Variants in SHC4 observed in about 807,000 individuals in gnomAD.
SHC4 encodes SHC adaptor protein 4, also known as SHC-transforming protein 4.
A neutral mutation model predicts 69.4 loss-of-function variants in SHC4; 41 were observed. The observed-to-expected ratio is 0.59, with a 90% CI of 0.46 to 0.77. The LOEUF (loss-of-function observed/expected upper bound fraction) is 0.77. Ranked by LOEUF, SHC4 falls within the 30% of genes least tolerant of loss-of-function variation. The pLI is 0.00. For synonymous variants in SHC4, 318 were observed against 299.3 expected (o/e 1.06, Z -0.64); for missense variants, 777 against 783.8 (o/e 0.99, Z 0.10).
intron 3 of SHC4, among the ~76,000 whole-genome samples, chr15:48,887,381 T>A (rs1279266728): frequency 6.6e-6 from 1 of 152,188 alleles, no homozygotes; most frequent in Non-Finnish European, 1.5e-5. Flanking sequence ...ACTTAACCTC[T>A]CAGGGCCCCA....
At chr15:48,904,934 AG>A (rs1425062320) in intron 2 of SHC4, among the ~76,000 whole-genome samples, 2 of 135,758 alleles carry the variant, frequency 1.5e-5, no homozygotes, top group Non-Finnish European at 3.1e-5. Flanking sequence ...ACACACACAC[AG>A]ACACAACACA....
chr15:48,826,702 T>C (rs1024026941), intron 11 of SHC4, among the ~76,000 whole-genome samples: 5 of 152,176 alleles, frequency 3.3e-5, no homozygotes, highest in African/African-American at 1.2e-4. Flanking sequence ...TATAACTATT[T>C]AACTGGTTTG....
At chr15:48,872,200 A>G in intron 4 of SHC4, 58 bp from the exon 5 acceptor site, 2 of 1,043,638 alleles carry the variant, frequency 1.9e-6, no homozygotes, top group Non-Finnish European at 2.8e-6. Flanking sequence ...AGTTATATAC[A>G]GTCTAACAGT....
In SHC4 at chr15:48,951,191, C is replaced by T. The variant is rs556838322; in HGVS notation, c.585+11240G>A. Among the ~76,000 whole-genome samples, 6 of 152,230 alleles carry T rather than the reference C, an allele frequency of 3.9e-5. No homozygotes were observed. The East Asian group carries it at 5.8e-4, about 15-fold the overall frequency. The stretch of plus-strand genomic sequence containing the variant: ...CTGGAGATTTCCACCTGGATGCTTT[C>T]GGGGTCACCTTGAACACAGCAGGTG... On this transcript the variant is annotated intron_variant, in intron 1 of 11. Coordinates refer to ENST00000332408, the MANE Select transcript of SHC4 (RefSeq NM_203349.4).
intron 4 of SHC4, chr15:48,878,404 T>C (rs768172432): frequency 3.1e-6 from 5 of 1,612,140 alleles, no homozygotes; most frequent in Admixed American, 1.7e-5. Context: ...GGAGCCTTGC[T>C]AACGGGCCCA....
At chr15:48,881,022 GTC>G (rs1450093612) in intron 4 of SHC4, among the ~76,000 whole-genome samples, 2 of 141,946 alleles carry the variant, frequency 1.4e-5, no homozygotes, top group African/African-American at 5.4e-5. Flanking sequence ...GTGTGTGTGT[GTC>G]TTCATTTAAG....
chr15:48,847,958 C>T (rs1456618260), intron 9 of SHC4, among the ~76,000 whole-genome samples: 10 of 149,086 alleles, frequency 6.7e-5, no homozygotes, highest in Admixed American at 4.7e-4. Flanking sequence ...GCCGAGATGG[C>T]GCCATTGCAC....
At chr15:48,889,080 G>A (rs1164117577) in intron 3 of SHC4, among the ~76,000 whole-genome samples, 1 of 152,086 alleles carries the variant, frequency 6.6e-6, no homozygotes, top group East Asian at 1.9e-4. Context: ...TGTACTTTCC[G>A]GATAGATGAT....
chr15:48,919,388 C>G (rs1900698856), intron 2 of SHC4, among the ~76,000 whole-genome samples: 1 of 140,330 alleles, frequency 7.1e-6, no homozygotes, highest in African/African-American at 2.6e-5. Context: ...GCAGCTTTGA[C>G]CTTCCAGGCT....
At chr15:48,891,415 C>T (rs1345404909) in intron 2 of SHC4, among the ~76,000 whole-genome samples, 1 of 152,156 alleles carries the variant, frequency 6.6e-6, no homozygotes, top group African/African-American at 2.4e-5. Flanking sequence ...TTCTGCCCTT[C>T]CTATATATTG....
At chr15:48,852,818 C>T (rs1324091134) in intron 8 of SHC4, among the ~76,000 whole-genome samples, 1 of 151,834 alleles carries the variant, frequency 6.6e-6, no homozygotes, top group Non-Finnish European at 1.5e-5. Flanking sequence ...AGGAGAATCG[C>T]TTGAACCTGG....
intron 2 of SHC4, among the ~76,000 whole-genome samples, chr15:48,921,630 G>T (rs762196695): frequency 6.6e-6 from 1 of 152,202 alleles, no homozygotes; most frequent in Non-Finnish European, 1.5e-5. Flanking sequence ...ACCACGCCTG[G>T]CCAGAAGTTA....
chr15:48,831,362 G>A (rs920910419), intron 11 of SHC4, among the ~76,000 whole-genome samples: 2 of 152,082 alleles, frequency 1.3e-5, no homozygotes, highest in Admixed American at 6.5e-5. Context: ...CCACTCACTC[G>A]CTGGCTCATC....
chr15:48,861,552 G>A (rs1442833023), intron 6 of SHC4, among the ~76,000 whole-genome samples: 1 of 152,106 alleles, frequency 6.6e-6, no homozygotes, highest in African/African-American at 2.4e-5. Context: ...CAAAAGCTTG[G>A]CCAAGAATTG....
chr15:48,840,203 G>T (rs572169455), intron 10 of SHC4, among the ~76,000 whole-genome samples: 7 of 152,162 alleles, frequency 4.6e-5, no homozygotes, highest in Admixed American at 6.5e-5. Flanking sequence ...TTAGGTAAAA[G>T]AAATAAATGT....
In SHC4 at chr15:48,856,103, G is replaced by T. The variant is rs1393816977; in HGVS notation, c.1092C>A (p.Ser364Arg). The T allele has an allele frequency of 6.2e-7, 1 of 1,613,230 alleles. No homozygotes were observed. The highest frequency in any genetic ancestry group is 1.1e-5 in the South Asian group (1 of 90,904). The change falls in exon 8 of 12, where the codon AGC becomes AGA. Residue 364 changes from serine to arginine, a missense_variant. Transcript: ENST00000332408. ...CATGATCTTCTCTCTCCTCGGCATG[G>T]CTATCAATATGCACCTCCTCACTGT... is the stretch of plus-strand genomic sequence containing the variant. ...SCESEEVHIDSHAEEREDHEY... is the reference protein window; with the variant it reads ...SCESEEVHIDRHAEEREDHEY...
chr15:48,826,957 G>A (rs762481695), intron 11 of SHC4, among the ~76,000 whole-genome samples: 7 of 152,034 alleles, frequency 4.6e-5, no homozygotes, highest in Admixed American at 2.6e-4. Flanking sequence ...ACTTACTGTC[G>A]GCATGCCAAA....
chr15:48,877,592 C>T lies in SHC4; in HGVS notation c.841-5450G>A, dbSNP rs1733701176. ...CCGCATTGCTAATAGTGGAAAGATA[C>T]CTCCCAGGCGAAAAGAAATGGGACC... On this transcript the variant is annotated intron_variant, in intron 4 of 11. Coordinates refer to ENST00000332408, the MANE Select transcript of SHC4 (RefSeq NM_203349.4). The T allele has an allele frequency of 4.1e-6, 4 of 983,758 alleles. No homozygotes were observed. In the South Asian group the frequency reaches 1.9e-4, roughly 46 times the overall value. The allele number at this position is 983,758 out of a possible 1,614,324, so 60.9% of individuals were successfully genotyped here.
At chr15:48,836,435 A>C (rs1245900721) in intron 10 of SHC4, among the ~76,000 whole-genome samples, 1 of 152,228 alleles carries the variant, frequency 6.6e-6, no homozygotes, top group East Asian at 1.9e-4. Flanking sequence ...CAGCATCTCC[A>C]GAACTAATAA....
Sources: allele counts gnomAD v4.1 joint callset (sites outside exome capture counted in the v4.1 genomes callset), GRCh38; gene constraint gnomAD v4.1.1; transcripts MANE v1.5; gene names NCBI Gene and HGNC (gene_info 2026-07-23, HGNC 2026-07-21).